The following PLCL2 variants were observed in gnomAD, a reference collection of about 807,000 sequenced individuals.
PLCL2 encodes the protein phospholipase C like 2, also known as inactive phospholipase C-like protein 2.
PLCL2 carries 4 observed loss-of-function variants against 79.6 expected under a neutral mutation model. The ratio of observed to expected loss-of-function variants is 0.05; its 90% CI spans 0.02 to 0.11. The LOEUF is 0.11. PLCL2 is among the 10% of genes least tolerant of loss of function. PLCL2 has a pLI of 1.00. For missense variants in PLCL2, 895 were observed against 1,291.0 expected (o/e 0.69, Z 4.70); for synonymous variants, 484 against 457.7 (o/e 1.06, Z -0.73).
rs1321784069 is a variant in PLCL2, at chr3:17,011,069, A to C, written c.1723A>C (p.Asn575His). The C allele has an allele frequency of 6.2e-7, 1 of 1,613,952 alleles. No homozygotes were observed. Among genetic ancestry groups the C allele is most frequent in the Non-Finnish European group, 8.5e-7 (1 of 1,180,022 alleles). ...AATTAAAGCAAAGAAGCTGTCCTCA[A>C]ATTGCTCTGGGGTAGAAGGAGATGT... ...ILIKAKKLSSNCSGVEGDVTD... is the reference protein window; with the variant it reads ...ILIKAKKLSSHCSGVEGDVTD... Residue 575 changes from asparagine (N) to histidine (H), a missense_variant, in exon 2 of 6, where the codon AAT becomes CAT. This residue lies in a region of PLCL2 where 242 missense variants were observed against 399.5 expected (regional missense o/e 0.61). Coordinates refer to ENST00000615277, the MANE Select transcript of PLCL2 (RefSeq NM_001144382.2). The surrounding 1 kb of genome is among the most constrained non-coding windows in gnomAD (Gnocchi z 7.9).
chr3:16,993,003 TGAG>T (rs1460283509), intron 1 of PLCL2, among the ~76,000 whole-genome samples: 3 of 152,014 alleles, frequency 2.0e-5, no homozygotes, highest in African/African-American at 7.3e-5. Flanking sequence ...GGTTGAAAGG[TGAG>T]GAGACCTTTG....
At chr3:17,008,732 T>G (rs887972403) in intron 1 of PLCL2, among the ~76,000 whole-genome samples, 2 of 152,162 alleles carry the variant, frequency 1.3e-5, no homozygotes, top group Non-Finnish European at 2.9e-5. Context: ...GGGCTTCACT[T>G]AGCTCCTCTG....
intron 1 of PLCL2, among the ~76,000 whole-genome samples, chr3:16,950,939 T>A (rs187738507): frequency 2.0e-5 from 3 of 152,126 alleles, no homozygotes; most frequent in Non-Finnish European, 4.4e-5. Flanking sequence ...TTCATAAGTT[T>A]GGATGATCTA....
intron 1 of PLCL2, among the ~76,000 whole-genome samples, chr3:16,981,455 G>T (rs1031095483): frequency 1.3e-5 from 2 of 152,174 alleles, no homozygotes; most frequent in African/African-American, 4.8e-5. Context: ...TAGGAGAAAT[G>T]TGTAATGTCA....
intron 1 of PLCL2, among the ~76,000 whole-genome samples, chr3:16,908,459 CTT>C (rs982065886): frequency 5.9e-5 from 9 of 152,144 alleles, no homozygotes; most frequent in Non-Finnish European, 1.3e-4. Flanking sequence ...TGACGTGTCT[CTT>C]TTTTCTTTTA....
At chr3:17,022,652 C>CT (rs2064468677) in intron 3 of PLCL2, among the ~76,000 whole-genome samples, 1 of 152,158 alleles carries the variant, frequency 6.6e-6, no homozygotes, top group Non-Finnish European at 1.5e-5. Flanking sequence ...ATTCAGTAAA[C>CT]TTTTTGTCAT....
chr3:17,090,223 T>A lies in PLCL2; in HGVS notation c.*311T>A. 1 of 1,015,568 alleles carries A rather than the reference T, an allele frequency of 9.8e-7. No homozygotes were observed. The highest frequency in any genetic ancestry group is 1.2e-6 in the Non-Finnish European group (1 of 848,032). 62.9% of individuals were successfully genotyped at this position (1,015,568 alleles called of 1,614,324 possible). ...CTCCACTGAGAAACATTTTCCTAAG[T>A]GAAAACAATTTCTTAAGATGGAAAT... On this transcript the variant is annotated 3_prime_UTR_variant, in exon 6 of 6. Coordinates refer to ENST00000615277, the MANE Select transcript of PLCL2 (RefSeq NM_001144382.2).
intron 1 of PLCL2, among the ~76,000 whole-genome samples, chr3:16,912,186 T>G (rs1696897796): frequency 6.6e-6 from 1 of 152,198 alleles, no homozygotes; most frequent in African/African-American, 2.4e-5. Flanking sequence ...ATTATTTTTG[T>G]TTTAAAATAT....
chr3:17,079,225 T>C (rs2065138468), intron 5 of PLCL2, among the ~76,000 whole-genome samples: 1 of 152,148 alleles, frequency 6.6e-6, no homozygotes, highest in Non-Finnish European at 1.5e-5. Flanking sequence ...TCTACACAGC[T>C]GGGCCACCCT....
intron 1 of PLCL2, among the ~76,000 whole-genome samples, chr3:16,991,045 G>T (rs533019432): frequency 6.6e-6 from 1 of 152,204 alleles, no homozygotes; most frequent in Non-Finnish European, 1.5e-5. Context: ...GCAGAGAGAG[G>T]AGGAGGGAAC....
intron 5 of PLCL2, among the ~76,000 whole-genome samples, chr3:17,069,763 C>T (rs1360927546): frequency 2.0e-5 from 3 of 152,178 alleles, no homozygotes; most frequent in Non-Finnish European, 4.4e-5. Flanking sequence ...ATTTTTCTCA[C>T]GTTAAACGTC....
At position 16,918,026 on chromosome 3, in the gene PLCL2, G is replaced by T. The variant is rs566463309; in HGVS notation, c.327+32660G>T. On this transcript the variant is annotated intron_variant, in intron 1 of 5. Transcript: ENST00000615277. ...GATATTATGTAGAAAAAATTTGGAT[G>T]AGTACGTGAATATCCCCCTTTTTAC... 3.9e-5 allele frequency among the ~76,000 whole-genome samples: 6 copies of T among 152,292 alleles called. No homozygotes were observed. In the East Asian group the frequency reaches 9.6e-4, roughly 24 times the overall value.
At chr3:16,991,992 C>CCTT (rs1489446444) in intron 1 of PLCL2, among the ~76,000 whole-genome samples, 1 of 152,066 alleles carries the variant, frequency 6.6e-6, no homozygotes, top group Non-Finnish European at 1.5e-5. Context: ...TGCCATGAGC[C>CCTT]ACAGACTCAA....
At chr3:17,036,263 C>G (rs865879027) in intron 3 of PLCL2, among the ~76,000 whole-genome samples, 6 of 152,318 alleles carry the variant, frequency 3.9e-5, no homozygotes, top group Middle Eastern at 6.8e-3. Flanking sequence ...AAGACCTCTA[C>G]AGCAATAATC....
intron 3 of PLCL2, among the ~76,000 whole-genome samples, chr3:17,032,224 C>T (rs2064591557): frequency 6.6e-6 from 1 of 152,070 alleles, no homozygotes; most frequent in Non-Finnish European, 1.5e-5. Flanking sequence ...CCTTTTCAAA[C>T]TATTGCCTCT....
intron 3 of PLCL2, among the ~76,000 whole-genome samples, chr3:17,037,102 T>C (rs1261384015): frequency 6.6e-6 from 1 of 152,210 alleles, no homozygotes; most frequent in Non-Finnish European, 1.5e-5. Context: ...TTACTTTGGA[T>C]TGAATTAGTT....
intron 5 of PLCL2, 40 bp downstream of exon 5, chr3:17,068,105 C>G (rs1451503688): frequency 9.3e-7 from 1 of 1,081,006 alleles, no homozygotes; most frequent in African/African-American, 1.6e-5. Flanking sequence ...GATTTTGCAG[C>G]CTCTTTCAGC....
At chr3:16,932,809 A>C (rs1463955866) in intron 1 of PLCL2, among the ~76,000 whole-genome samples, 1 of 152,236 alleles carries the variant, frequency 6.6e-6, no homozygotes, top group African/African-American at 2.4e-5. Context: ...CCCAGTACTG[A>C]TTAAGAAGAA....
At chr3:17,058,375 T>C (rs1180421503) in intron 4 of PLCL2, among the ~76,000 whole-genome samples, 2 of 152,154 alleles carry the variant, frequency 1.3e-5, no homozygotes. Flanking sequence ...AAGAATTTCG[T>C]ATGGCAAAAA....
Sources: gnomAD v4.1 joint callset for allele counts (sites outside exome capture counted in the v4.1 genomes callset) on GRCh38, gnomAD v4.1.1 for gene constraint, gnomAD v4.1.1 regional missense constraint, Gnocchi (gnomAD v3.1) non-coding constraint, MANE v1.5 for transcripts, NCBI Gene and HGNC (gene_info 2026-07-23, HGNC 2026-07-21) for gene names.